The following FTCDNL1 variants were observed in gnomAD, a reference collection of about 807,000 sequenced individuals.
The protein encoded by FTCDNL1 is formiminotransferase cyclodeaminase N-terminal like.
A neutral mutation model predicts 5.9 loss-of-function variants in FTCDNL1; 11 were observed. The ratio of observed to expected loss-of-function variants is 1.87; its 90% CI spans 1.18 to 3.10. The LOEUF is 3.10. Among genes scored for constraint, FTCDNL1 ranks in the 30% most tolerant of loss-of-function variants. The probability of loss-of-function intolerance (pLI) is 0.00; values close to 1 mark genes in which losing one functional copy is unlikely to be tolerated. For missense variants in FTCDNL1, 115 were observed against 65.5 expected, an observed-to-expected ratio of 1.76 and a Z score of -2.61; for synonymous variants, 58 against 24.8, an observed-to-expected ratio of 2.34 and a Z score of -3.99.
chr2:199,780,317 G>A (rs575731397), intron 3 of FTCDNL1, among the ~76,000 whole-genome samples: 5 of 152,260 alleles, frequency 3.3e-5, no homozygotes, highest in African/African-American at 9.6e-5. Context: ...CAAATCCTGA[G>A]GAGGGACTCT....
At chr2:199,832,518 C>T (rs1050469879) in intron 3 of FTCDNL1, among the ~76,000 whole-genome samples, 1 of 152,172 alleles carries the variant, frequency 6.6e-6, no homozygotes, top group Non-Finnish European at 1.5e-5. Context: ...AAATGAAGAA[C>T]TGATGAAGGA....
intron 3 of FTCDNL1, among the ~76,000 whole-genome samples, chr2:199,845,103 G>T (rs558242600): frequency 2.0e-5 from 3 of 151,702 alleles, no homozygotes; most frequent in African/African-American, 7.3e-5. Flanking sequence ...TTTTAGTTTT[G>T]CTCTTATCCA....
intron 4 of FTCDNL1, among the ~76,000 whole-genome samples, chr2:199,817,343 T>C (rs1574605463): frequency 6.6e-6 from 1 of 152,258 alleles, no homozygotes; most frequent in East Asian, 1.9e-4. Context: ...TCTAACTACA[T>C]CTTCCCCAGT....
chr2:199,755,273 T>C, the FTCDNL1 span, among the ~76,000 whole-genome samples: 246 of 152,286 alleles, frequency 1.6e-3, 1 homozygote, highest in African/African-American at 5.7e-3. Context: ...CTGTTTAGAG[T>C]CTACATTTCC....
At chr2:199,690,137 A>T in the FTCDNL1 span, among the ~76,000 whole-genome samples, 1 of 152,226 alleles carries the variant, frequency 6.6e-6, no homozygotes, top group African/African-American at 2.4e-5. Flanking sequence ...CAGACACATA[A>T]ATAGAAAAGT....
downstream of FTCDNL1, among the ~76,000 whole-genome samples, chr2:199,759,664 T>C (rs149651033): frequency 1.3e-5 from 2 of 152,334 alleles, no homozygotes; most frequent in East Asian, 3.9e-4. Context: ...TTAATAATGA[T>C]AATACTTCCA....
the FTCDNL1 span, among the ~76,000 whole-genome samples, chr2:199,668,626 C>G: frequency 1.6e-4 from 24 of 152,214 alleles, no homozygotes; most frequent in East Asian, 4.4e-3. Flanking sequence ...TACTCTGAGA[C>G]CTCCCCTTGG....
At chr2:199,736,773 C>T in the FTCDNL1 span, among the ~76,000 whole-genome samples, 3 of 152,334 alleles carry the variant, frequency 2.0e-5, no homozygotes, top group South Asian at 6.2e-4. Flanking sequence ...TCTACACAGC[C>T]TCAAAAGACG....
chr2:199,698,429 G>A, the FTCDNL1 span, among the ~76,000 whole-genome samples: 1 of 152,068 alleles, frequency 6.6e-6, no homozygotes, highest in Admixed American at 6.5e-5. Flanking sequence ...ATCATACGAA[G>A]TACACTCTCA....
chr2:199,696,562 G>C, the FTCDNL1 span, among the ~76,000 whole-genome samples: 1 of 151,902 alleles, frequency 6.6e-6, no homozygotes, highest in African/African-American at 2.4e-5. Context: ...ACCTGAAATT[G>C]TGCAGAAACA....
chr2:199,826,216 C>A (rs17529600), intron 3 of FTCDNL1, among the ~76,000 whole-genome samples: 12,909 of 152,206 alleles, frequency 0.085, 763 homozygotes, highest in Middle Eastern at 0.15. Context: ...GGGCAAAGCA[C>A]TGGGAGATAT....
chr2:199,681,632 G>T, the FTCDNL1 span, among the ~76,000 whole-genome samples: 1 of 152,160 alleles, frequency 6.6e-6, no homozygotes, highest in African/African-American at 2.4e-5. Flanking sequence ...GCTCCCTGCA[G>T]TATGTTTCTC....
At chr2:199,780,747 G>A (rs1053632339) in intron 3 of FTCDNL1, among the ~76,000 whole-genome samples, 1 of 152,166 alleles carries the variant, frequency 6.6e-6, no homozygotes, top group Non-Finnish European at 1.5e-5. Context: ...GTGGGCAGGG[G>A]AATACCAAGA....
intron 4 of FTCDNL1, among the ~76,000 whole-genome samples, chr2:199,813,536 A>G (rs1057286521): frequency 3.9e-5 from 6 of 152,192 alleles, no homozygotes; most frequent in African/African-American, 1.2e-4. Context: ...TTTTATATCT[A>G]AAGAGAAAAC....
At chr2:199,766,759 A>C (rs974385766) in intron 3 of FTCDNL1, among the ~76,000 whole-genome samples, 1 of 152,202 alleles carries the variant, frequency 6.6e-6, no homozygotes, top group Non-Finnish European at 1.5e-5. Flanking sequence ...GATAGTAAAG[A>C]AAGTACTCTC....
intron 3 of FTCDNL1, among the ~76,000 whole-genome samples, chr2:199,840,943 G>T (rs1175660269): frequency 6.6e-6 from 1 of 151,922 alleles, no homozygotes; most frequent in African/African-American, 2.4e-5. Context: ...TTAAGCCTAG[G>T]AATTCAAGAC....
the FTCDNL1 span, among the ~76,000 whole-genome samples, chr2:199,720,791 C>CT: frequency 0.024 from 3,603 of 148,090 alleles, 143 homozygotes; most frequent in African/African-American, 0.082. Context: ...GTAGACATAT[C>CT]TTTTTTTTTT....
the FTCDNL1 span, among the ~76,000 whole-genome samples, chr2:199,698,033 AAAG>A: frequency 4.6e-5 from 7 of 152,212 alleles, no homozygotes; most frequent in Non-Finnish European, 8.8e-5. Context: ...CAGAAAGGAC[AAAG>A]AAGGGCATTA....
the FTCDNL1 span, among the ~76,000 whole-genome samples, chr2:199,676,205 G>A: frequency 2.6e-5 from 4 of 152,174 alleles, no homozygotes; most frequent in Non-Finnish European, 5.9e-5. Context: ...GAGGAAGAGA[G>A]AACAGATATT....
Sources: allele counts gnomAD v4.1 joint callset (sites outside exome capture counted in the v4.1 genomes callset), GRCh38; gene constraint gnomAD v4.1.1; transcripts MANE v1.5; gene names NCBI Gene and HGNC (gene_info 2026-07-23, HGNC 2026-07-21).